TTN: variants seen among roughly 807,000 people sequenced by gnomAD.
The protein encoded by TTN is titin, also known as connectin.
Under a neutral mutation model 3,223.0 loss-of-function variants are expected in TTN, and 1,525 were observed. The observed-to-expected ratio is 0.47, with a 90% CI of 0.45 to 0.49. TTN has a LOEUF of 0.49. Among genes scored for constraint, TTN ranks in the 20% least tolerant of loss-of-function variants. The pLI is 0.00. For missense variants in TTN, 40,786 were observed against 43,424.0 expected (o/e 0.94, Z 5.40); for synonymous variants, 14,094 against 15,161.0 (o/e 0.93, Z 5.17).
chr2:178,618,334 T>C lies in TTN; in HGVS notation c.47124A>G (p.Thr15708=). The C allele has an allele frequency of 6.2e-7, 1 of 1,612,654 alleles. No individual in the cohort carries two copies. The highest frequency in any genetic ancestry group is 1.1e-5 in the South Asian group (1 of 91,058). The change falls in exon 252 of 363, where the codon ACA becomes ACG. Residue 15708 remains threonine, a synonymous_variant. Transcript: ENST00000589042. ...TAAACTCACAACTCTCTGCACGGTC[T>C]GTGGCCAGAACCCAGGTCTTTCTCT... ...DIKRKTWVLA[T]DRAESCEFTV... is the part of the protein sequence containing the mutation.
In TTN at chr2:178,621,625, C is replaced by T. The variant is rs370904881; in HGVS notation, c.45199G>A (p.Asp15067Asn). ...CTTCCTGTTTCAATGATCTCCTCAT[C>T]CCCTTTATACCAAATCACTTCTGCG... ...PGAEVIWYKG[D>N]EEIIETGRYE... Residue 15067 changes from aspartate to asparagine, a missense_variant, in exon 245 of 363, where the codon GAT (aspartate) becomes AAT (asparagine). Coordinates refer to ENST00000589042, the MANE Select transcript of TTN (RefSeq NM_001267550.2). 9.4e-5 allele frequency: 151 copies of T among 1,612,338 alleles called. No individual in the cohort carries two copies. Among genetic ancestry groups the T allele is most frequent in the Middle Eastern group, 1.6e-4 (1 of 6,074 alleles).
Position 178,696,269 on chromosome 2 carries a change from G to A in TTN, c.30803C>T (p.Ala10268Val), listed in dbSNP as rs745937559. ...AGAGGATACATCAATGATTTCAGGA[G>A]CTAAAATAGATAAAGATACTATTAG... ...PPPTTLIPAK[A>V]PEIIDVSSKA... Residue 10268 changes from alanine to valine, a missense_variant and splice_region_variant, in exon 114 of 363, where the codon GCT (alanine) becomes GTT (valine). Ala to Val is a moderately conservative substitution (Grantham distance 64). Transcript: ENST00000589042. The A allele has an allele frequency of 2.0e-6, 3 of 1,524,272 alleles. No homozygotes were observed. The allele number at this position is 1,524,272 out of a possible 1,614,324, so 94.4% of individuals were successfully genotyped here.
Position 178,799,693 on chromosome 2 carries a change from T to G in TTN, c.708A>C (p.Thr236=). Residue 236 remains threonine (T), a synonymous_variant, in exon 6 of 363, where the codon ACA becomes ACC. Coordinates refer to ENST00000589042, the MANE Select transcript of TTN (RefSeq NM_001267550.2). ...EAHFDARSIA[T]VEMVIDGAAG... ...CGGCACCATCTATGACCATCTCAAC[T>G]GTTGCAATTGATCTGGCATCAAAGT... is the stretch of plus-strand genomic sequence containing the variant. The G allele has an allele frequency of 2.5e-6, 4 of 1,614,210 alleles. No individual in the cohort carries two copies. Among genetic ancestry groups the G allele is most frequent in the Non-Finnish European group, 2.5e-6 (3 of 1,180,030 alleles).
Position 178,567,685 on chromosome 2 carries a change from A to G in TTN, c.78447T>C (p.Thr26149=), listed in dbSNP as rs770182488. The G allele has an allele frequency of 1.3e-5, 21 of 1,611,944 alleles. No homozygotes were observed. Among genetic ancestry groups the G allele is most frequent in the Non-Finnish European group, 1.7e-5 (20 of 1,178,584 alleles). Residue 26149 remains threonine (T), a synonymous_variant, in exon 326 of 363, where the codon ACT becomes ACC. Coordinates refer to ENST00000589042, the MANE Select transcript of TTN (RefSeq NM_001267550.2). ...SFTNVIETQF[T]VSGLTEDQRY... ...TTTGATCTTCAGTAAGACCTGACAC[A>G]GTAAATTGAGTTTCAATGACATTTG...
In TTN at chr2:178,785,236, A is replaced by T. The variant is rs896268552; in HGVS notation, c.2493+384T>A. Among the ~76,000 whole-genome samples the T allele has an allele frequency of 1.8e-4, 27 of 152,296 alleles. 1 individual carries two copies. Among genetic ancestry groups the T allele is most frequent in the Non-Finnish European group, 3.1e-4 (21 of 68,022 alleles). ...CTGTCTTTATTATTGAAACACATTCACAGTTAAGTTACTCTGAAATGTCTC... is the reference window on the plus strand; with the variant it reads ...CTGTCTTTATTATTGAAACACATTCTCAGTTAAGTTACTCTGAAATGTCTC... On this transcript the variant is annotated intron_variant, in intron 15 of 362. Coordinates refer to ENST00000589042, the MANE Select transcript of TTN (RefSeq NM_001267550.2).
chr2:178,728,665 C>CT lies in TTN; in HGVS notation c.19260dup (p.Asp6421ArgfsTer9). ...CTACTGGGAACTATTTGTTTCCCGTCTTTAAGCCATTTCACTTTGAGTTCT... is the reference window on the plus strand; with the variant it reads ...CTACTGGGAACTATTTGTTTCCCGTCTTTTAAGCCATTTCACTTTGAGTTCT... On this transcript the variant is annotated frameshift_variant, in exon 66 of 363. Coordinates refer to ENST00000589042, the MANE Select transcript of TTN (RefSeq NM_001267550.2). LOFTEE classifies it high-confidence loss of function. 6.2e-7 allele frequency: 1 copy of CT among 1,613,366 alleles called. No homozygotes were observed. Among genetic ancestry groups the CT allele is most frequent in the Non-Finnish European group, 8.5e-7 (1 of 1,179,554 alleles).
chr2:178,652,626 C>G, intron 201 of TTN, 27 bp downstream of exon 201: 1 of 1,613,062 alleles, frequency 6.2e-7, no homozygotes, highest in Non-Finnish European at 8.5e-7. Context: ...GATAGATCTT[C>G]TGACGCTTAA....
intron 127 of TTN, among the ~76,000 whole-genome samples, 176 bp downstream of exon 127, chr2:178,687,935 G>A (rs1265882201): frequency 6.6e-6 from 1 of 152,130 alleles, no homozygotes; most frequent in Non-Finnish European, 1.5e-5. Flanking sequence ...CTCTAATCTA[G>A]TATAATCCTC....
At position 178,771,266 on chromosome 2, in the gene TTN, T is replaced by TCCAATGTCA. The variant is rs1473173430; in HGVS notation, c.8052_8060dup (p.Asp2685_Gly2687dup). The TCCAATGTCA allele has an allele frequency of 6.2e-7, 1 of 1,614,136 alleles. No individual in the cohort carries two copies. The highest frequency in any genetic ancestry group is 2.2e-5 in the East Asian group (1 of 44,854). On this transcript the variant is annotated inframe_insertion, in exon 34 of 363. Transcript: ENST00000589042. ...AGGTGGCCACCTTGTAGGTATATTC[T>TCCAATGTCA]CCAATGTCATCTAATTTGGTGGCAG...
At position 178,574,312 on chromosome 2, in the gene TTN, T is replaced by G; in HGVS notation, c.71820A>C (p.Thr23940=). 6.2e-7 allele frequency: 1 copy of G among 1,613,578 alleles called. No homozygotes were observed. The highest frequency in any genetic ancestry group is 8.5e-7 in the Non-Finnish European group (1 of 1,179,670). The change falls in exon 326 of 363, where the codon ACA becomes ACC. Residue 23940 remains threonine (T), a synonymous_variant. Transcript: ENST00000589042. ...KPVPLNITRH[T]VTLKWAKPEY... ...CAGGCTTAGCCCATTTAAGTGTTAC[T>G]GTGTGTCTTGTAATATTTAGAGGTA...
Position 178,574,596 on chromosome 2 carries a change from T to C in TTN, c.71536A>G (p.Ser23846Gly), listed in dbSNP as rs763759336. ...CCATCAGAAAGTGGCTCATGCCAGCTAATTGTCATTGAATCCTTGGTAACT... is the reference window on the plus strand; with the variant it reads ...CCATCAGAAAGTGGCTCATGCCAGCCAATTGTCATTGAATCCTTGGTAACT... Reference protein sequence around the residue: ...TAVTKDSMTISWHEPLSDGGS... With the variant: ...TAVTKDSMTIGWHEPLSDGGS... Residue 23846 changes from serine to glycine, a missense_variant, in exon 326 of 363, where the codon AGC (serine) becomes GGC (glycine). By Grantham distance (56) the Ser-to-Gly change is moderately conservative (BLOSUM62 0). Coordinates refer to ENST00000589042, the MANE Select transcript of TTN (RefSeq NM_001267550.2). 4 of 1,613,460 alleles carry C rather than the reference T, an allele frequency of 2.5e-6. No homozygotes were observed. The highest frequency in any genetic ancestry group is 3.4e-6 in the Non-Finnish European group (4 of 1,179,592).
Position 178,546,054 on chromosome 2 carries a change from C to T in TTN, c.95182G>A (p.Ala31728Thr). The change falls in exon 343 of 363, where the codon GCC (alanine) becomes ACC (threonine). Residue 31728 changes from alanine to threonine, a missense_variant. Coordinates refer to ENST00000589042, the MANE Select transcript of TTN (RefSeq NM_001267550.2). ...CCGTCTTCCTGCGGAAGGCTCCAGG[C>T]TAAAGTGCACTTCTCCTGTGTTACT... The part of the protein sequence containing the change: ...SRVTQEKCTL[A>T]WSLPQEDGGA... 2 of 1,613,656 alleles carry T rather than the reference C, an allele frequency of 1.2e-6. No homozygotes were observed. The highest frequency in any genetic ancestry group is 1.7e-6 in the Non-Finnish European group (2 of 1,179,658).
chr2:178,550,850 C>CA, intron 336 of TTN, 117 bp downstream of exon 336: 1 of 874,584 alleles, frequency 1.1e-6, no homozygotes, highest in Non-Finnish European at 1.7e-6. Context: ...ATAATTCATC[C>CA]ACTTAGCAAC....
chr2:178,674,884 T>A (rs560784664), intron 150 of TTN, among the ~76,000 whole-genome samples, 155 bp downstream of exon 150: 1 of 152,030 alleles, frequency 6.6e-6, no homozygotes, highest in East Asian at 1.9e-4. Context: ...AATATTAATT[T>A]GCCTGCCCAA....
At position 178,651,666 on chromosome 2, in the gene TTN, C is replaced by T. The variant is rs867533992; in HGVS notation, c.39463G>A (p.Val13155Met). 1 of 1,613,220 alleles carries T rather than the reference C, an allele frequency of 6.2e-7. No homozygotes were observed. The highest frequency in any genetic ancestry group is 1.3e-5 in the African/African-American group (1 of 74,992). ...AKKPELPPVKVPEVPKEVVPE... is the reference protein window; with the variant it reads ...AKKPELPPVKMPEVPKEVVPE... Reference sequence around the variant, plus strand: ...GGGAGTTAGTGGCAGTGAGGAATACCTTTCACTGGTGGTAGTTCAGGTTTT... The same window carrying T: ...GGGAGTTAGTGGCAGTGAGGAATACTTTTCACTGGTGGTAGTTCAGGTTTT... Residue 13155 changes from valine to methionine, a missense_variant and splice_region_variant, in exon 206 of 363, where the codon GTG becomes ATG. Transcript: ENST00000589042.
In TTN at chr2:178,729,312, A is replaced by G; in HGVS notation, c.18844T>C (p.Cys6282Arg). ...CCTTTCAGGGCAACTCTAGTACTGC[A>G]TGAGCAGCTGCCGCCTTCATTGGAT... is the stretch of plus-strand genomic sequence containing the variant. ...IVSNEGGSCS[C>R]STRVALKEPP... The change falls in exon 64 of 363, where the codon TGC becomes CGC. Residue 6282 changes from cysteine (C) to arginine (R), a missense_variant. Transcript: ENST00000589042. 3 of 1,611,588 alleles carry G rather than the reference A, an allele frequency of 1.9e-6. No homozygotes were observed. The highest frequency in any genetic ancestry group is 2.5e-6 in the Non-Finnish European group (3 of 1,178,286).
chr2:178,672,030 A>T lies in TTN; in HGVS notation c.35168T>A (p.Ile11723Lys), dbSNP rs373022600. Residue 11723 changes from isoleucine (I) to lysine (K), a missense_variant, in exon 155 of 363, where the codon ATA (isoleucine) becomes AAA (lysine). By Grantham distance (102) the Ile-to-Lys change is moderately radical. Coordinates refer to ENST00000589042, the MANE Select transcript of TTN (RefSeq NM_001267550.2). ...CACTTCTTCAGCCTCAAAAACTTCTATTACCCTATGAACTTTTTCAACTCT... is the reference window on the plus strand; with the variant it reads ...CACTTCTTCAGCCTCAAAAACTTCTTTTACCCTATGAACTTTTTCAACTCT... ...EHRVEKVHRVIEVFEAEEVEV... is the reference protein window; with the variant it reads ...EHRVEKVHRVKEVFEAEEVEV... 6.2e-7 allele frequency: 1 copy of T among 1,610,758 alleles called. No individual in the cohort carries two copies. The highest frequency in any genetic ancestry group is 8.5e-7 in the Non-Finnish European group (1 of 1,178,792).
intron 46 of TTN, among the ~76,000 whole-genome samples, chr2:178,755,766 C>T (rs1435168323): frequency 1.3e-5 from 2 of 152,010 alleles, no homozygotes; most frequent in Admixed American, 6.6e-5. Flanking sequence ...TTTCATGGCC[C>T]CTTTGTAAAC....
In TTN at chr2:178,564,645, C is replaced by A. The variant is rs565761937; in HGVS notation, c.81487G>T (p.Glu27163Ter). 1 of 1,613,570 alleles carries A rather than the reference C, an allele frequency of 6.2e-7. No individual in the cohort carries two copies. The highest frequency in any genetic ancestry group is 1.7e-5 in the Admixed American group (1 of 59,974). ...CATGGATCACGAGCAACAAAGCATT[C>A]TGACACTTTGCTAGGCTTGCCAATG... is the stretch of plus-strand genomic sequence containing the variant. Reference protein sequence around the residue: ...VGIGKPSKVSECFVARDPCDP... With the variant: ...VGIGKPSKVS Residue 27163 changes from glutamate to a stop codon, truncating the protein, a stop_gained, in exon 326 of 363, where the codon GAA (glutamate) becomes TAA (stop). Transcript: ENST00000589042. LOFTEE classifies it high-confidence loss of function.
Sources: allele counts gnomAD v4.1 joint callset (sites outside exome capture counted in the v4.1 genomes callset), GRCh38; gene constraint gnomAD v4.1.1; transcripts MANE v1.5; gene names NCBI Gene and HGNC (gene_info 2026-07-23, HGNC 2026-07-21).